FBN2: variants seen among roughly 807,000 people sequenced by gnomAD.
FBN2 encodes the protein fibrillin-2.
FBN2 carries 105 observed loss-of-function variants against 355.6 expected under a neutral mutation model. The ratio of observed to expected loss-of-function variants is 0.30; its 90% confidence interval spans 0.25 to 0.35. The LOEUF (loss-of-function observed/expected upper bound fraction) is 0.35. Among genes scored for constraint, FBN2 ranks in the 10% least tolerant of loss-of-function variants. FBN2 has a pLI of 1.00. For missense variants in FBN2, 3,280 were observed against 3,758.7 expected (o/e 0.87, Z 3.33); for synonymous variants, 1,350 against 1,301.2 (o/e 1.04, Z -0.81).
At chr5:128,519,929 G>A (rs1472953579) in intron 4 of FBN2, among the ~76,000 whole-genome samples, 1 of 151,954 alleles carries the variant, frequency 6.6e-6, no homozygotes, top group Non-Finnish European at 1.5e-5. Context: ...ACAAAGAAAA[G>A]GGGGGAAAAT....
At chr5:128,393,019 A>G in intron 10 of FBN2, 116 bp downstream of exon 10, 1 of 850,922 alleles carries the variant, frequency 1.2e-6, no homozygotes. Flanking sequence ...ACAAACACAC[A>G]CACACATGTG....
intron 58 of FBN2, among the ~76,000 whole-genome samples, chr5:128,277,192 G>GA (rs1346707382): frequency 6.6e-6 from 1 of 151,882 alleles, no homozygotes; most frequent in Non-Finnish European, 1.5e-5. Context: ...ATATAAAGGA[G>GA]AAAAAAAATT....
Position 128,488,459 on chromosome 5 carries a change from CT to C in FBN2, c.629-23539del, listed in dbSNP as rs1237547113. 4.0e-5 allele frequency among the ~76,000 whole-genome samples: 6 copies of C among 151,324 alleles called. No homozygotes were observed. In the East Asian group the frequency reaches 7.8e-4, roughly 20 times the overall value. The stretch of plus-strand genomic sequence containing the variant: ...TTTTAGATAAGGCAAAATGCCAGTT[CT>C]TTTTTTTCTGTGCTTCTTTGATTTT... On this transcript the variant is annotated intron_variant, in intron 5 of 64. Transcript: ENST00000262464.
chr5:128,441,530 C>T (rs1283523740), intron 7 of FBN2, among the ~76,000 whole-genome samples: 2 of 152,188 alleles, frequency 1.3e-5, no homozygotes, highest in Non-Finnish European at 2.9e-5. Context: ...AGTAACTAAC[C>T]TCACAGCTCT....
At chr5:128,363,342 A>G (rs1751687778) in intron 18 of FBN2, among the ~76,000 whole-genome samples, 1 of 152,040 alleles carries the variant, frequency 6.6e-6, no homozygotes, top group East Asian at 1.9e-4. Flanking sequence ...GGCACGTGCC[A>G]CCATGCCCAG....
Position 128,378,765 on chromosome 5 carries a change from C to T in FBN2, c.1723+6G>A, listed in dbSNP as rs749210701. 1 of 1,612,784 alleles carries T rather than the reference C, an allele frequency of 6.2e-7. No individual in the cohort carries two copies. Among genetic ancestry groups the T allele is most frequent in the Non-Finnish European group, 8.5e-7 (1 of 1,179,162 alleles). Reference sequence around the variant, plus strand: ...CATTTTCATATGTGAAAGCAAACTGCCTTACCAATGCATGCTTGCTTGGTA... The same window carrying T: ...CATTTTCATATGTGAAAGCAAACTGTCTTACCAATGCATGCTTGCTTGGTA... On this transcript the variant is annotated splice_donor_region_variant and intron_variant, in intron 12 of 64. Transcript: ENST00000262464.
intron 18 of FBN2, among the ~76,000 whole-genome samples, chr5:128,362,410 G>C (rs1165464724): frequency 1.3e-5 from 2 of 152,262 alleles, no homozygotes; most frequent in Non-Finnish European, 2.9e-5. Context: ...TAGCAGTCCA[G>C]AACAGCCTAG....
At chr5:128,535,240 G>T (rs58889726) in intron 2 of FBN2, among the ~76,000 whole-genome samples, 18,309 of 152,198 alleles carry the variant, frequency 0.12, 1,714 homozygotes, top group African/African-American at 0.25. Flanking sequence ...AAAATAAGAA[G>T]AAATTAGTCT....
At position 128,294,592 on chromosome 5, in the gene FBN2, T is replaced by C. The variant is rs868439465; in HGVS notation, c.6167-2938A>G. Among the ~76,000 whole-genome samples the C allele has an allele frequency of 7.1e-3, 1,058 of 148,774 alleles. 6 individuals carry two copies. Among genetic ancestry groups the C allele is most frequent in the Non-Finnish European group, 0.011 (727 of 66,372 alleles). On this transcript the variant is annotated intron_variant, in intron 48 of 64. Coordinates refer to ENST00000262464, the MANE Select transcript of FBN2 (RefSeq NM_001999.4). Reference sequence around the variant, plus strand: ...TTTGCATTTCTCTGATGGCCAGTGATGGTGAGCATTTTTTCATGTGTTTTT... The same window carrying C: ...TTTGCATTTCTCTGATGGCCAGTGACGGTGAGCATTTTTTCATGTGTTTTT...
At chr5:128,418,016 T>C (rs1057439904) in intron 7 of FBN2, among the ~76,000 whole-genome samples, 1 of 152,148 alleles carries the variant, frequency 6.6e-6, no homozygotes, top group Non-Finnish European at 1.5e-5. Flanking sequence ...TTATATTGGC[T>C]TGTTCTGGTT....
chr5:128,263,737 C>T, intron 62 of FBN2, 81 bp from the exon 63 acceptor site: 1 of 913,058 alleles, frequency 1.1e-6, no homozygotes. Context: ...TCTCAAGTGC[C>T]TGTGATTTTA....
chr5:128,416,143 G>C (rs181366168), intron 7 of FBN2, among the ~76,000 whole-genome samples: 1 of 150,998 alleles, frequency 6.6e-6, no homozygotes, highest in Non-Finnish European at 1.5e-5. Context: ...CTCCTGCTTC[G>C]GCCTCCCAAG....
intron 5 of FBN2, among the ~76,000 whole-genome samples, chr5:128,489,919 T>C (rs1039914978): frequency 6.6e-6 from 1 of 152,184 alleles, no homozygotes; most frequent in Non-Finnish European, 1.5e-5. Context: ...GGATGTACTA[T>C]AGACTACAGT....
At chr5:128,412,805 C>T (rs2127005077) in intron 7 of FBN2, among the ~76,000 whole-genome samples, 1 of 152,220 alleles carries the variant, frequency 6.6e-6, no homozygotes, top group African/African-American at 2.4e-5. Flanking sequence ...ATAAGCCTAT[C>T]AATATTTTAG....
chr5:128,278,951 C>CAGCTTAATGTCTTA, intron 56 of FBN2, 110 bp from the exon 57 acceptor site: 2 of 841,968 alleles, frequency 2.4e-6, no homozygotes, highest in Non-Finnish European at 3.9e-6. Flanking sequence ...ATAATTAAGA[C>CAGCTTAATGTCTTA]AGCTTAATGT....
intron 5 of FBN2, among the ~76,000 whole-genome samples, chr5:128,488,892 A>G (rs7705439): frequency 0.5 from 75,040 of 151,314 alleles, 21,857 homozygotes; most frequent in African/African-American, 0.82. Flanking sequence ...TCTTAATCCA[A>G]TCTATCATTG....
chr5:128,467,106 A>T (rs895742354), intron 5 of FBN2, among the ~76,000 whole-genome samples: 2 of 152,146 alleles, frequency 1.3e-5, no homozygotes, highest in African/African-American at 4.8e-5. Flanking sequence ...AACCAAATTC[A>T]TAAATAAACC....
chr5:128,375,551 GT>G (rs1164542569), intron 14 of FBN2, among the ~76,000 whole-genome samples: 1 of 152,018 alleles, frequency 6.6e-6, no homozygotes, highest in African/African-American at 2.4e-5. Flanking sequence ...TCAAAAATTT[GT>G]TTCTTACTCA....
intron 14 of FBN2, among the ~76,000 whole-genome samples, chr5:128,376,392 A>C (rs1220709076): frequency 6.6e-6 from 1 of 152,234 alleles, no homozygotes; most frequent in Non-Finnish European, 1.5e-5. Flanking sequence ...AATGCATAAA[A>C]AACAAAAACC....
Sources: gnomAD v4.1 joint callset for allele counts (sites outside exome capture counted in the v4.1 genomes callset) on GRCh38, gnomAD v4.1.1 for gene constraint, MANE v1.5 for transcripts, NCBI Gene and HGNC (gene_info 2026-07-23, HGNC 2026-07-21) for gene names.